MAP4K4: variants seen among roughly 807,000 people sequenced by gnomAD.
The protein encoded by MAP4K4 is HPK/GCK-like kinase HGK.
Under a neutral mutation model 189.6 loss-of-function variants are expected in MAP4K4, and 38 were observed. That is an observed-to-expected ratio of 0.20 (90% CI 0.15 to 0.26). MAP4K4 has a LOEUF of 0.26. Ranked by LOEUF, MAP4K4 falls within the 10% of genes least tolerant of loss-of-function variation. The probability of loss-of-function intolerance (pLI) is 1.00; values close to 1 mark genes in which losing one functional copy is unlikely to be tolerated. For synonymous variants in MAP4K4, 610 were observed against 624.3 expected, an observed-to-expected ratio of 0.98 and a Z score of 0.34; for missense variants, 1,054 against 1,726.9, an observed-to-expected ratio of 0.61 and a Z score of 6.91.
chr2:101,863,134 C>G (rs2097714685), intron 16 of MAP4K4, among the ~76,000 whole-genome samples: 1 of 152,112 alleles, frequency 6.6e-6, no homozygotes, highest in Non-Finnish European at 1.5e-5. Flanking sequence ...ATAGTCAATT[C>G]AGGGAATCCA....
rs552152980 is a variant in MAP4K4, at chr2:101,720,987, T to C, written c.123+22449T>C. On this transcript the variant is annotated intron_variant, in intron 2 of 32. Coordinates refer to ENST00000324219, the Ensembl canonical transcript of MAP4K4. ...AAACCACATTTAAAATTTTGTCCTT[T>C]CAAAGCACTGTACTGTGGCTGAATT... Among the ~76,000 whole-genome samples the C allele has an allele frequency of 5.3e-5, 8 of 152,354 alleles. No homozygotes were observed. In the South Asian group the frequency reaches 1.7e-3, roughly 32 times the overall value.
chr2:101,814,335 T>G (rs1029896213), intron 3 of MAP4K4, among the ~76,000 whole-genome samples: 2 of 152,244 alleles, frequency 1.3e-5, no homozygotes, highest in African/African-American at 2.4e-5. Context: ...TTATTCATGG[T>G]CTTTTTGAGT....
Position 101,707,212 on chromosome 2 carries a change from CTTT to C in MAP4K4, c.123+8690_123+8692del, listed in dbSNP as rs545502305. On this transcript the variant is annotated intron_variant, in intron 2 of 32. Transcript: ENST00000324219. Reference sequence around the variant, plus strand: ...CTACTCCATCCACTTTTTATTTTATCTTTTTTTTTTTTTTTTTTGAGACAGTCT... The same window carrying C: ...CTACTCCATCCACTTTTTATTTTATCTTTTTTTTTTTTTTTGAGACAGTCT... Among the ~76,000 whole-genome samples, 5 of 133,918 alleles carry C rather than the reference CTTT, an allele frequency of 3.7e-5. No homozygotes were observed. In the South Asian group the frequency reaches 7.3e-4, roughly 20 times the overall value. The allele number at this position is 133,918 out of a possible 152,430, so 87.9% of individuals were successfully genotyped here. A position where few individuals can be genotyped will look rare whatever the true frequency, so the allele number is the denominator to read the frequency against.
exon 30 of MAP4K4, chr2:101,887,165 T>C: frequency 6.2e-7 from 1 of 1,611,740 alleles, no homozygotes; most frequent in Non-Finnish European, 8.5e-7. Flanking sequence ...AAGTGATCTA[T>C]GGATCCTGTG....
intron 2 of MAP4K4, among the ~76,000 whole-genome samples, chr2:101,714,721 A>G (rs932602172): frequency 6.6e-5 from 10 of 152,138 alleles, no homozygotes; most frequent in African/African-American, 2.4e-4. Flanking sequence ...AAACTCTGAT[A>G]CGTAAATGTT....
chr2:101,862,252 A>C (rs1020766535), intron 16 of MAP4K4: 1 of 148,120 alleles, frequency 6.8e-6, no homozygotes, highest in African/African-American at 2.5e-5. Flanking sequence ...AAAAAAAAAA[A>C]AAAAAAAAAA....
intron 19 of MAP4K4, 86 bp downstream of exon 19, chr2:101,866,665 C>T (rs905210017): frequency 2.2e-5 from 32 of 1,484,232 alleles, no homozygotes; most frequent in East Asian, 1.4e-4. Flanking sequence ...CTGTAGTTTG[C>T]GTGTAGCCAC....
chr2:101,795,802 T>C (rs1025690934), intron 3 of MAP4K4, among the ~76,000 whole-genome samples: 2 of 152,224 alleles, frequency 1.3e-5, no homozygotes, highest in East Asian at 1.9e-4. Context: ...GTATATCTTA[T>C]GTTTCTTTGT....
intron 7 of MAP4K4, among the ~76,000 whole-genome samples, 168 bp from the exon 8 acceptor site, chr2:101,834,236 TCCTCC>T (rs550949082): frequency 0.011 from 1,343 of 125,102 alleles, 15 homozygotes; most frequent in Non-Finnish European, 0.017. Context: ...ATCCCTCCCT[TCCTCC>T]CCTCCCCTCC....
Position 101,866,473 on chromosome 2 carries a change from G to A in MAP4K4, c.2250G>A (p.Val750=), listed in dbSNP as rs759387518. 3.1e-6 allele frequency: 5 copies of A among 1,613,750 alleles called. No individual in the cohort carries two copies. In the South Asian group the frequency reaches 5.5e-5, roughly 18 times the overall value. Residue 750 remains valine (V), a synonymous_variant, in exon 19 of 33, where the codon GTG becomes GTA. Transcript: ENST00000324219. ...TGTGGGAGAGAGTGGAGAAGCTGGT[G>A]CCCAGACCTGGCAGTGGCAGCTCCT...
intron 2 of MAP4K4, among the ~76,000 whole-genome samples, chr2:101,772,960 G>C (rs1437022579): frequency 6.6e-6 from 1 of 152,184 alleles, no homozygotes; most frequent in Non-Finnish European, 1.5e-5. Flanking sequence ...TATCTGGGTT[G>C]ACAAAGTCGG....
chr2:101,818,338 A>C (rs993209642), intron 3 of MAP4K4, among the ~76,000 whole-genome samples: 2 of 152,160 alleles, frequency 1.3e-5, no homozygotes, highest in African/African-American at 4.8e-5. Context: ...CCTCTCTCCA[A>C]CTAACAAAGA....
At chr2:101,730,446 A>G (rs2057920321) in intron 2 of MAP4K4, among the ~76,000 whole-genome samples, 1 of 152,144 alleles carries the variant, frequency 6.6e-6, no homozygotes, top group African/African-American at 2.4e-5. Flanking sequence ...AAAAGAAGGC[A>G]GAGGTTAAAC....
intron 2 of MAP4K4, among the ~76,000 whole-genome samples, chr2:101,702,348 C>G (rs2039335779): frequency 6.6e-6 from 1 of 151,990 alleles, no homozygotes; most frequent in Non-Finnish European, 1.5e-5. Flanking sequence ...GGGCGGATCA[C>G]TTGAGGTCAG....
At chr2:101,728,208 G>C (rs1279286551) in intron 2 of MAP4K4, among the ~76,000 whole-genome samples, 3 of 152,142 alleles carry the variant, frequency 2.0e-5, no homozygotes, top group Admixed American at 6.5e-5. Flanking sequence ...CAGCATGCTA[G>C]CAAGATTTTT....
chr2:101,834,591 C>A, intron 8 of MAP4K4, 128 bp downstream of exon 8: 2 of 685,450 alleles, frequency 2.9e-6, no homozygotes, highest in Non-Finnish European at 5.0e-6. Flanking sequence ...ATGAAGGCAA[C>A]ATAAATATAG....
chr2:101,882,718 CAGAGTTTGATT>C (rs2098418954), intron 28 of MAP4K4, 33 bp downstream of exon 28: 1 of 1,484,646 alleles, frequency 6.7e-7, no homozygotes, highest in African/African-American at 1.4e-5. Flanking sequence ...TTTGTTTTTC[CAGAGTTTGATT>C]AGAGTTTGAA....
chr2:101,779,199 TAGGG>T (rs1276686718), intron 2 of MAP4K4, among the ~76,000 whole-genome samples: 2 of 152,074 alleles, frequency 1.3e-5, no homozygotes, highest in South Asian at 2.1e-4. Context: ...TGTTTATTGA[TAGGG>T]AGGAGGAGGA....
At chr2:101,765,081 G>A (rs1327406583) in intron 2 of MAP4K4, among the ~76,000 whole-genome samples, 1 of 152,008 alleles carries the variant, frequency 6.6e-6, no homozygotes, top group Non-Finnish European at 1.5e-5. Flanking sequence ...ATAATGCAAG[G>A]GAATAATCAG....
Sources: allele counts gnomAD v4.1 joint callset (sites outside exome capture counted in the v4.1 genomes callset), GRCh38; gene constraint gnomAD v4.1.1; transcripts MANE v1.5; gene names NCBI Gene and HGNC (gene_info 2026-07-23, HGNC 2026-07-21).